Variants in RIMKLA observed in about 807,000 individuals in gnomAD.
RIMKLA encodes the protein N-acetylaspartylglutamate synthase A.
A neutral mutation model predicts 32.7 loss-of-function variants in RIMKLA; 14 were observed. The ratio of observed to expected loss-of-function variants is 0.43; its 90% CI spans 0.28 to 0.67. The LOEUF is 0.67. Ranked by LOEUF, RIMKLA falls within the 30% of genes least tolerant of loss-of-function variation. The pLI, the probability that RIMKLA is intolerant of heterozygous loss-of-function variation, is 0.18. For missense variants in RIMKLA, 410 were observed against 519.0 expected (o/e 0.79, Z 2.04); for synonymous variants, 176 against 204.1 (o/e 0.86, Z 1.18).
intron 1 of RIMKLA, among the ~76,000 whole-genome samples, chr1:42,386,435 G>A (rs1570314631): frequency 6.6e-6 from 1 of 151,902 alleles, no homozygotes; most frequent in African/African-American, 2.4e-5. Flanking sequence ...CACTCCAGCC[G>A]CTTCCCTGGC....
chr1:42,412,718 TAAG>T, intron 4 of RIMKLA: 1 of 417,930 alleles, frequency 2.4e-6, no homozygotes, highest in Non-Finnish European at 4.6e-6. Flanking sequence ...CATGGCCTAA[TAAG>T]AACCTGGCGT....
rs1451134954 is a variant in RIMKLA, at chr1:42,410,193, G to T, written c.685+6G>T. 1.4e-5 allele frequency: 23 copies of T among 1,613,360 alleles called. No individual in the cohort carries two copies. The Middle Eastern group carries it at 5.0e-4, about 35-fold the overall frequency. On this transcript the variant is annotated splice_donor_region_variant and intron_variant, in intron 4 of 4. Coordinates refer to ENST00000431473, the MANE Select transcript of RIMKLA (RefSeq NM_173642.4). ...GCAGAGCAACTGCTCTCTCGGTAAG[G>T]TATAAAAGCACAGGGTTTTATTAGG... is the stretch of plus-strand genomic sequence containing the variant.
At position 42,419,459 on chromosome 1, in the gene RIMKLA, A is replaced by G. The variant is rs906121999; in HGVS notation, c.*4485A>G. The G allele has an allele frequency of 6.6e-6, 1 of 152,210 alleles. No homozygotes were observed. Among genetic ancestry groups the G allele is most frequent in the African/African-American group, 2.4e-5 (1 of 41,458 alleles). 9.4% of individuals were successfully genotyped at this position (152,210 alleles called of 1,614,324 possible). A position where few individuals can be genotyped will look rare whatever the true frequency, so the allele number is the denominator to read the frequency against. On this transcript the variant is annotated 3_prime_UTR_variant, in exon 5 of 5. Coordinates refer to ENST00000431473, the MANE Select transcript of RIMKLA (RefSeq NM_173642.4). ...CTAGTCCCCCATTTCATAAGTAGGG[A>G]ATCTTACTTAGTTCCAGAGGCCATG...
Position 42,381,011 on chromosome 1 carries a change from TCCG to T in RIMKLA, c.78_80del (p.Arg27del). Reference sequence around the variant, plus strand: ...CCGCAGGTGCAGATCCTGCGCGCCCTCCGGCAGCGCTGCTCCGAGCAGGACGTG... The same window carrying T: ...CCGCAGGTGCAGATCCTGCGCGCCCTGCAGCGCTGCTCCGAGCAGGACGTG... On this transcript the variant is annotated inframe_deletion, in exon 1 of 5. Coordinates refer to ENST00000431473, the MANE Select transcript of RIMKLA (RefSeq NM_173642.4). The T allele has an allele frequency of 7.0e-7, 1 of 1,431,318 alleles. No individual in the cohort carries two copies. The highest frequency in any genetic ancestry group is 3.0e-5 in the East Asian group (1 of 33,010). 88.7% of individuals were successfully genotyped at this position (1,431,318 alleles called of 1,614,324 possible). A position where few individuals can be genotyped will look rare whatever the true frequency, so the allele number is the denominator to read the frequency against.
At position 42,403,562 on chromosome 1, in the gene RIMKLA, A is replaced by T. The variant is rs551233198; in HGVS notation, c.395-949A>T. On this transcript the variant is annotated intron_variant, in intron 2 of 4. Coordinates refer to ENST00000431473, the MANE Select transcript of RIMKLA (RefSeq NM_173642.4). The stretch of plus-strand genomic sequence containing the variant: ...TGCACATCGTTATTCATATTTTTTT[A>T]AATTAAGGCTTATAGGAGTATGGTG... Among the ~76,000 whole-genome samples, 87 of 152,318 alleles carry T rather than the reference A, an allele frequency of 5.7e-4. 1 individual carries two copies. The South Asian group carries it at 0.018, about 31-fold the overall frequency.
chr1:42,423,475 A>G lies in RIMKLA; in HGVS notation c.*8501A>G, dbSNP rs1212764448. Reference sequence around the variant, plus strand: ...CCCCCATTGTCTCAAAGAGAACTGCATTTAGCTCCATGGTAGACCAGCGTA... The same window carrying G: ...CCCCCATTGTCTCAAAGAGAACTGCGTTTAGCTCCATGGTAGACCAGCGTA... On this transcript the variant is annotated 3_prime_UTR_variant, in exon 5 of 5. Transcript: ENST00000431473. Among the ~76,000 whole-genome samples, 2 of 152,228 alleles carry G rather than the reference A, an allele frequency of 1.3e-5. No homozygotes were observed. Among genetic ancestry groups the G allele is most frequent in the African/African-American group, 4.8e-5 (2 of 41,456 alleles).
chr1:42,382,609 A>G (rs1184451596), intron 1 of RIMKLA, among the ~76,000 whole-genome samples: 1 of 152,214 alleles, frequency 6.6e-6, no homozygotes, highest in African/African-American at 2.4e-5. Flanking sequence ...CAGTTTGTAA[A>G]GATGTCTCTT....
rs1643297151 is a variant in RIMKLA, at chr1:42,421,741, T to C, written c.*6767T>C. 1.3e-5 allele frequency: 2 copies of C among 152,238 alleles called. No homozygotes were observed. The highest frequency in any genetic ancestry group is 4.8e-5 in the African/African-American group (2 of 41,456). 9.4% of individuals were successfully genotyped at this position (152,238 alleles called of 1,614,324 possible). ...TGGATTGTTGAATTTCCAGGAATTT[T>C]GTAAGCTGGTTGGTAAACACAGCCA... On this transcript the variant is annotated 3_prime_UTR_variant, in exon 5 of 5. Transcript: ENST00000431473. The surrounding 1 kb of genome is among the most constrained non-coding windows in gnomAD (Gnocchi z 4.6).
intron 3 of RIMKLA, among the ~76,000 whole-genome samples, chr1:42,406,982 T>C (rs969251419): frequency 2.6e-5 from 4 of 152,134 alleles, no homozygotes; most frequent in African/African-American, 9.7e-5. Context: ...CTTGTCTCAC[T>C]GCAGCCTCTG....
rs139007919 is a variant in RIMKLA at position 42,399,024 on chromosome 1, A to G, written c.164-380A>G. Among the ~76,000 whole-genome samples, 10 of 150,634 alleles carry G rather than the reference A, an allele frequency of 6.6e-5. 1 individual carries two copies. In the East Asian group the frequency reaches 2.0e-3, roughly 30 times the overall value. ...ATAATGTTCCAATCAGATATAAAAG[A>G]GTGGTAGGGATTCCTAAAGTGGGCA... On this transcript the variant is annotated intron_variant, in intron 1 of 4. Transcript: ENST00000431473.
Position 42,418,404 on chromosome 1 carries a change from T to C in RIMKLA, c.*3430T>C, listed in dbSNP as rs1422306883. 1.3e-5 allele frequency: 2 copies of C among 152,326 alleles called. No homozygotes were observed. Among genetic ancestry groups the C allele is most frequent in the East Asian group, 3.9e-4 (2 of 5,186 alleles). 9.4% of individuals were successfully genotyped at this position (152,326 alleles called of 1,614,324 possible). On this transcript the variant is annotated 3_prime_UTR_variant, in exon 5 of 5. Coordinates refer to ENST00000431473, the MANE Select transcript of RIMKLA (RefSeq NM_173642.4). ...ATCATAAGCCACTAGTGTCACAATTTCAGGCCCATTGCTTCCAGCTAAAAG... is the reference window on the plus strand; with the variant it reads ...ATCATAAGCCACTAGTGTCACAATTCCAGGCCCATTGCTTCCAGCTAAAAG...
At chr1:42,409,330 T>C (rs933670731) in intron 3 of RIMKLA, among the ~76,000 whole-genome samples, 1 of 151,006 alleles carries the variant, frequency 6.6e-6, no homozygotes, top group African/African-American at 2.4e-5. Flanking sequence ...AATAGAGGCA[T>C]AGGCCATTCC....
rs999621138 is a variant in RIMKLA, at chr1:42,416,699, C to T, written c.*1725C>T. On this transcript the variant is annotated 3_prime_UTR_variant, in exon 5 of 5. Coordinates refer to ENST00000431473, the MANE Select transcript of RIMKLA (RefSeq NM_173642.4). The stretch of plus-strand genomic sequence containing the variant: ...CTACCCATTCGGGTGCAGAAATTAC[C>T]GTACTTACTCTGCCATAAATGTAAA... The T allele has an allele frequency of 1.3e-5, 2 of 152,178 alleles. No individual in the cohort carries two copies. The highest frequency in any genetic ancestry group is 2.4e-5 in the African/African-American group (1 of 41,442). 9.4% of individuals were successfully genotyped at this position (152,178 alleles called of 1,614,324 possible). A position where few individuals can be genotyped will look rare whatever the true frequency, so the allele number is the denominator to read the frequency against.
chr1:42,394,777 C>A (rs1487854267), intron 1 of RIMKLA, among the ~76,000 whole-genome samples: 1 of 151,482 alleles, frequency 6.6e-6, no homozygotes, highest in Non-Finnish European at 1.5e-5. Context: ...GCTCTTGTTG[C>A]CCAGGCTGGA....
intron 3 of RIMKLA, among the ~76,000 whole-genome samples, chr1:42,406,266 A>C (rs569761165): frequency 6.6e-6 from 1 of 152,240 alleles, no homozygotes; most frequent in African/African-American, 2.4e-5. Context: ...CGTAAAATTC[A>C]CTGGATTTTA....
intron 1 of RIMKLA, among the ~76,000 whole-genome samples, chr1:42,392,878 G>A (rs573019174): frequency 1.3e-5 from 2 of 152,170 alleles, no homozygotes; most frequent in Non-Finnish European, 2.9e-5. Context: ...TGTAGTCCCA[G>A]CTACTCAGGA....
intron 3 of RIMKLA, among the ~76,000 whole-genome samples, chr1:42,405,114 C>T (rs977398186): frequency 1.3e-5 from 2 of 152,200 alleles, no homozygotes; most frequent in African/African-American, 4.8e-5. Context: ...TTTCCCTTTG[C>T]TGAGAATGCC....
chr1:42,412,674 G>C, intron 4 of RIMKLA: 1 of 481,856 alleles, frequency 2.1e-6, no homozygotes, highest in Non-Finnish European at 4.1e-6. Context: ...ACTATGCTTT[G>C]TCATCAGTTA....
chr1:42,402,568 CA>C (rs1262491246), intron 2 of RIMKLA, among the ~76,000 whole-genome samples: 4 of 150,070 alleles, frequency 2.7e-5, no homozygotes, highest in Non-Finnish European at 4.4e-5. Flanking sequence ...CTACAGCCAC[CA>C]GAAAGGAATC....
Sources: gnomAD v4.1 joint callset for allele counts (sites outside exome capture counted in the v4.1 genomes callset) on GRCh38, gnomAD v4.1.1 for gene constraint, Gnocchi (gnomAD v3.1) non-coding constraint, MANE v1.5 for transcripts, NCBI Gene and HGNC (gene_info 2026-07-23, HGNC 2026-07-21) for gene names.